The following PAXBP1 variants were observed in gnomAD, a reference collection of about 807,000 sequenced individuals.
PAXBP1 encodes the protein PAX3 and PAX7 binding protein 1, also known as PAX3- and PAX7-binding protein 1.
Under a neutral mutation model 119.9 loss-of-function variants are expected in PAXBP1, and 44 were observed. That is an observed-to-expected ratio of 0.37 (90% confidence interval 0.29 to 0.47). The LOEUF (loss-of-function observed/expected upper bound fraction) is 0.47, where lower values mean the gene tolerates loss of function less well. Among genes scored for constraint, PAXBP1 ranks in the 20% least tolerant of loss-of-function variants. PAXBP1 has a pLI of 0.99. For synonymous variants in PAXBP1, 393 were observed against 406.6 expected (o/e 0.97, Z 0.40); for missense variants, 898 against 1,134.1 (o/e 0.79, Z 2.99).
chr21:32,742,953 A>G, intron 15 of PAXBP1: 1 of 528,342 alleles, frequency 1.9e-6, no homozygotes, highest in Non-Finnish European at 3.8e-6. Context: ...CATATACCCC[A>G]TGGATACAGG....
chr21:32,748,425 A>C, intron 11 of PAXBP1, 74 bp downstream of exon 11: 1 of 1,460,936 alleles, frequency 6.8e-7, no homozygotes, highest in Non-Finnish European at 9.3e-7. Flanking sequence ...TTAAGCTTAC[A>C]TCTCTAGCTT....
In PAXBP1 at chr21:32,737,253, C is replaced by T. The variant is rs562272048; in HGVS notation, c.2636+1G>A. 1 of 1,513,032 alleles carries T rather than the reference C, an allele frequency of 6.6e-7. No homozygotes were observed. Among genetic ancestry groups the T allele is most frequent in the African/African-American group, 1.4e-5 (1 of 71,240 alleles). The allele number at this position is 1,513,032 out of a possible 1,614,324, so 93.7% of individuals were successfully genotyped here. On this transcript the variant is annotated splice_donor_variant, in intron 17 of 17. Coordinates refer to ENST00000331923, the MANE Select transcript of PAXBP1 (RefSeq NM_016631.4). LOFTEE classifies it high-confidence loss of function. The stretch of plus-strand genomic sequence containing the variant: ...TACCATTTCATTAATTACAAAATTA[C>T]CTTGCATTTCTTTTTTCCACATCAG...
chr21:32,742,860 T>C (rs1486879612), intron 15 of PAXBP1: 1 of 338,348 alleles, frequency 3.0e-6, no homozygotes, highest in East Asian at 7.7e-5. Context: ...AACTTTATCA[T>C]AGGTATGTAT....
chr21:32,735,486 A>G (rs764735849), intron 17 of PAXBP1, among the ~76,000 whole-genome samples: 12 of 152,194 alleles, frequency 7.9e-5, no homozygotes, highest in African/African-American at 1.7e-4. Flanking sequence ...TTCATCACCA[A>G]TCTGTCAAGA....
rs1190867695 is a variant in PAXBP1 at position 32,764,538 on chromosome 21, G to A, written c.473-14C>T. 1.9e-6 allele frequency: 3 copies of A among 1,545,068 alleles called. No homozygotes were observed. The highest frequency in any genetic ancestry group is 2.6e-6 in the Non-Finnish European group (3 of 1,141,454). On this transcript the variant is annotated splice_polypyrimidine_tract_variant and intron_variant, in intron 2 of 17. Coordinates refer to ENST00000331923, the MANE Select transcript of PAXBP1 (RefSeq NM_016631.4). Reference sequence around the variant, plus strand: ...AAGGTTGTTCACCTAAATTTTTGAAGAATTAAAATATATGTAAAATAAAAT... The same window carrying A: ...AAGGTTGTTCACCTAAATTTTTGAAAAATTAAAATATATGTAAAATAAAAT...
chr21:32,768,332 A>G (rs1168546960), intron 2 of PAXBP1, among the ~76,000 whole-genome samples: 1 of 152,260 alleles, frequency 6.6e-6, no homozygotes, highest in Admixed American at 6.5e-5. Context: ...TATTGTTTAT[A>G]AATTACCTAG....
At chr21:32,761,225 T>A in intron 4 of PAXBP1, 63 bp from the exon 5 acceptor site, 1 of 1,242,710 alleles carries the variant, frequency 8.0e-7, no homozygotes, top group Non-Finnish European at 1.2e-6. Context: ...TAAAAGATGC[T>A]GTCCTGACAT....
intron 2 of PAXBP1, among the ~76,000 whole-genome samples, chr21:32,766,217 A>C (rs2044239088): frequency 6.6e-6 from 1 of 152,232 alleles, no homozygotes. Flanking sequence ...ACTACATCAG[A>C]TATGCTCAGA....
chr21:32,771,491 C>G lies in PAXBP1; in HGVS notation c.178G>C (p.Gly60Arg), dbSNP rs1018530197. 1.5e-6 allele frequency: 2 copies of G among 1,329,888 alleles called. No individual in the cohort carries two copies. Among genetic ancestry groups the G allele is most frequent in the African/African-American group, 3.1e-5 (2 of 64,624 alleles). 82.4% of individuals were successfully genotyped at this position (1,329,888 alleles called of 1,614,324 possible). A position where few individuals can be genotyped will look rare whatever the true frequency, so the allele number is the denominator to read the frequency against. ...APGGESLLGP[G>R]PSPPSALTPG... ...GTCAGCGCGGAAGGCGGCGACGGCC[C>G]CGGGCCCAGCAGCGACTCCCCGCCA... The change falls in exon 1 of 18, where the codon GGG becomes CGG. Residue 60 changes from glycine to arginine, a missense_variant. Physicochemically the swap from Gly to Arg is moderately radical, Grantham distance 125. Transcript: ENST00000331923.
intron 8 of PAXBP1, among the ~76,000 whole-genome samples, chr21:32,754,753 C>G (rs2246955): frequency 0.25 from 38,631 of 152,014 alleles, 4,985 homozygotes; most frequent in East Asian, 0.35. Flanking sequence ...GCTCAAAACT[C>G]TCCTATCTTG....
At chr21:32,765,817 G>T (rs2044230885) in intron 2 of PAXBP1, among the ~76,000 whole-genome samples, 1 of 151,980 alleles carries the variant, frequency 6.6e-6, no homozygotes, top group Admixed American at 6.6e-5. Context: ...TTATTAGATG[G>T]AGTAAAAACT....
chr21:32,766,580 C>CT (rs1892637304), intron 2 of PAXBP1, among the ~76,000 whole-genome samples: 1 of 152,212 alleles, frequency 6.6e-6, no homozygotes, highest in Admixed American at 6.5e-5. Flanking sequence ...TGCCTAGTCT[C>CT]TCTCTGCCAA....
In PAXBP1 at chr21:32,759,119, T is replaced by G. The variant is rs200766713; in HGVS notation, c.1344A>C (p.Arg448=). 1.7e-5 allele frequency: 28 copies of G among 1,613,834 alleles called. No individual in the cohort carries two copies. Among genetic ancestry groups the G allele is most frequent in the Non-Finnish European group, 2.3e-5 (27 of 1,179,858 alleles). The change falls in exon 7 of 18, where the codon CGA becomes CGC. Residue 448 remains arginine (R), a synonymous_variant. Transcript: ENST00000331923. The part of the protein sequence containing the change: ...GERYKFLQEM[R]GYVQDLLECF... The stretch of plus-strand genomic sequence containing the variant: ...ACTCAAGCAAGTCTTGGACATACCC[T>G]CGCATTTCTTGCAAAAATTTATACC...
intron 15 of PAXBP1, among the ~76,000 whole-genome samples, chr21:32,741,140 A>G (rs1241379624): frequency 1.3e-5 from 2 of 152,216 alleles, no homozygotes; most frequent in East Asian, 1.9e-4. Context: ...ACGCAAAATT[A>G]TACAGCCACT....
chr21:32,750,889 G>A (rs765510322), intron 10 of PAXBP1, 28 bp downstream of exon 10: 5 of 1,517,700 alleles, frequency 3.3e-6, no homozygotes, highest in African/African-American at 1.4e-5. Flanking sequence ...AACTGATGAT[G>A]AGTCTTATTT....
chr21:32,760,658 G>A (rs1230235154), intron 5 of PAXBP1, among the ~76,000 whole-genome samples: 1 of 151,968 alleles, frequency 6.6e-6, no homozygotes, highest in East Asian at 1.9e-4. Flanking sequence ...TCACCTGGAG[G>A]GCTTGTTCAA....
rs2043859404 is a variant in PAXBP1 at position 32,745,565 on chromosome 21, G to C, written c.2068+9C>G. On this transcript the variant is annotated intron_variant, in intron 12 of 17. Transcript: ENST00000331923. ...TCTGAATGCTCAATTCAGAGAACAG[G>C]AGATTTACCTGTTAGTTTAGGAAGA... is the stretch of plus-strand genomic sequence containing the variant. 1.2e-6 allele frequency: 2 copies of C among 1,613,792 alleles called. No homozygotes were observed. Among genetic ancestry groups the C allele is most frequent in the East Asian group, 2.2e-5 (1 of 44,866 alleles).
At chr21:32,760,902 C>CGTGTGTGTGTGTGTGTGTGT (rs1175775718) in intron 5 of PAXBP1, among the ~76,000 whole-genome samples, 157 bp downstream of exon 5, 5 of 127,714 alleles carry the variant, frequency 3.9e-5, no homozygotes, top group Non-Finnish European at 6.7e-5. Context: ...TGCGTGCGTG[C>CGTGTGTGTGTGTGTGTGTGT]GTGTGTGTGT....
intron 2 of PAXBP1, among the ~76,000 whole-genome samples, chr21:32,765,779 A>G (rs1178180681): frequency 2.6e-5 from 4 of 151,360 alleles, no homozygotes; most frequent in East Asian, 1.9e-4. Context: ...TTATGAAGCT[A>G]TAAGGTTTTA....
Sources: allele counts gnomAD v4.1 joint callset (sites outside exome capture counted in the v4.1 genomes callset), GRCh38; gene constraint gnomAD v4.1.1; transcripts MANE v1.5; gene names NCBI Gene and HGNC (gene_info 2026-07-23, HGNC 2026-07-21).